Variants in MRTFA observed in about 807,000 individuals in gnomAD.
MRTFA encodes the protein myocardin related transcription factor A, also known as myocardin-related transcription factor A.
A neutral mutation model predicts 83.5 loss-of-function variants in MRTFA; 20 were observed. The observed-to-expected ratio is 0.24, with a 90% CI of 0.17 to 0.35. The LOEUF (loss-of-function observed/expected upper bound fraction) is 0.35. Among genes scored for constraint, MRTFA ranks in the 10% least tolerant of loss-of-function variants. The probability of loss-of-function intolerance (pLI) is 1.00; values close to 1 mark genes in which losing one functional copy is unlikely to be tolerated. For synonymous variants in MRTFA, 659 were observed against 541.2 expected (o/e 1.22, Z -3.02); for missense variants, 1,200 against 1,224.7 (o/e 0.98, Z 0.30).
At chr22:40,514,208 G>A (rs752637668) in intron 3 of MRTFA, among the ~76,000 whole-genome samples, 6 of 151,648 alleles carry the variant, frequency 4.0e-5, no homozygotes, top group South Asian at 2.1e-4. Context: ...CCAAGATCAC[G>A]CCACTGCACT....
At chr22:40,590,876 G>A (rs2056110339) in intron 2 of MRTFA, among the ~76,000 whole-genome samples, 1 of 152,010 alleles carries the variant, frequency 6.6e-6, no homozygotes, top group African/African-American at 2.4e-5. Context: ...GCTCACAGCT[G>A]TAACCCCACC....
intron 3 of MRTFA, among the ~76,000 whole-genome samples, chr22:40,470,419 A>T (rs2053889605): frequency 1.3e-5 from 2 of 151,370 alleles, no homozygotes; most frequent in South Asian, 4.2e-4. Context: ...ACAATTTATC[A>T]AAATTTCTGG....
intron 4 of MRTFA, among the ~76,000 whole-genome samples, chr22:40,449,348 C>A (rs995341767): frequency 2.6e-5 from 4 of 151,250 alleles, no homozygotes; most frequent in Non-Finnish European, 5.9e-5. Context: ...ACAGGGCAAT[C>A]TTCTACTTCA....
At chr22:40,440,627 C>A (rs2053257580) in intron 4 of MRTFA, among the ~76,000 whole-genome samples, 1 of 152,172 alleles carries the variant, frequency 6.6e-6, no homozygotes, top group Non-Finnish European at 1.5e-5. Context: ...GCTGGAGTAG[C>A]CACAGCAAGT....
chr22:40,435,366 G>A (rs900930321), intron 5 of MRTFA, 133 bp downstream of exon 5: 1 of 930,884 alleles, frequency 1.1e-6, no homozygotes, highest in Admixed American at 1.9e-5. Context: ...CACAAGGCCA[G>A]GGCTGGCCCT....
chr22:40,634,301 G>A (rs935559937), intron 1 of MRTFA, among the ~76,000 whole-genome samples: 5 of 151,946 alleles, frequency 3.3e-5, no homozygotes, highest in African/African-American at 7.3e-5. Context: ...TTGCCCAAGC[G>A]GGTCTCAACT....
intron 1 of MRTFA, among the ~76,000 whole-genome samples, chr22:40,632,637 T>C (rs1034417847): frequency 6.6e-6 from 1 of 152,096 alleles, no homozygotes; most frequent in Admixed American, 6.6e-5. Flanking sequence ...GGTTTCCCCA[T>C]GTTGGCCAGG....
chr22:40,453,658 T>C (rs2053534979), intron 4 of MRTFA, among the ~76,000 whole-genome samples: 1 of 152,198 alleles, frequency 6.6e-6, no homozygotes, highest in South Asian at 2.1e-4. Context: ...TGAGACTTAA[T>C]GTCTTTGATA....
chr22:40,413,637 G>T (rs1022409173), intron 14 of MRTFA, among the ~76,000 whole-genome samples: 26 of 151,456 alleles, frequency 1.7e-4, no homozygotes, highest in Non-Finnish European at 3.2e-4. Context: ...TAAAGACGGG[G>T]TTTCACCATG....
At chr22:40,468,747 T>C (rs2053852400) in intron 3 of MRTFA, among the ~76,000 whole-genome samples, 1 of 152,188 alleles carries the variant, frequency 6.6e-6, no homozygotes, top group Admixed American at 6.5e-5. Context: ...GTGTATATGC[T>C]TGAGGAGACC....
intron 7 of MRTFA, among the ~76,000 whole-genome samples, chr22:40,425,221 G>T (rs2147082546): frequency 1.3e-5 from 2 of 152,348 alleles, no homozygotes; most frequent in Middle Eastern, 6.8e-3. Flanking sequence ...GGGTCCCAGT[G>T]GGAAGGAAAG....
At chr22:40,615,146 C>G (rs2056434135) in intron 1 of MRTFA, among the ~76,000 whole-genome samples, 1 of 152,116 alleles carries the variant, frequency 6.6e-6, no homozygotes, top group African/African-American at 2.4e-5. Flanking sequence ...GGTCTACAAA[C>G]CATTTCAAAT....
intron 2 of MRTFA, among the ~76,000 whole-genome samples, chr22:40,568,238 C>T (rs1366740913): frequency 6.6e-6 from 1 of 152,168 alleles, no homozygotes; most frequent in East Asian, 1.9e-4. Flanking sequence ...AATTATTCTT[C>T]CAATTACACT....
chr22:40,532,052 T>C (rs1035977729), intron 3 of MRTFA, among the ~76,000 whole-genome samples: 3 of 152,214 alleles, frequency 2.0e-5, no homozygotes, highest in Admixed American at 6.5e-5. Flanking sequence ...TCACCTACTA[T>C]CATCCTTTGA....
At chr22:40,413,519 G>C (rs992749145) in intron 14 of MRTFA, among the ~76,000 whole-genome samples, 2 of 151,996 alleles carry the variant, frequency 1.3e-5, no homozygotes, top group East Asian at 3.9e-4. Flanking sequence ...ATGTTGGTCA[G>C]GCTGGTCTCG....
In MRTFA at chr22:40,533,849, CA is replaced by C. The variant is rs1602395666; in HGVS notation, c.241+18256del. On this transcript the variant is annotated intron_variant, in intron 3 of 14. Transcript: ENST00000355630. ...ATTTGAATTACTGCCGACAGGAAAC[CA>C]AAAAGCTCTCCAGTTAAGACATACT... 12 of 377,086 alleles carry C rather than the reference CA, an allele frequency of 3.2e-5. No individual in the cohort carries two copies. The East Asian group carries it at 4.1e-4, about 13-fold the overall frequency. The allele number at this position is 377,086 out of a possible 1,614,324, so 23.4% of individuals were successfully genotyped here. A position where few individuals can be genotyped will look rare whatever the true frequency, so the allele number is the denominator to read the frequency against.
intron 2 of MRTFA, among the ~76,000 whole-genome samples, chr22:40,557,021 G>T (rs1338772677): frequency 1.3e-5 from 2 of 152,194 alleles, no homozygotes; most frequent in Non-Finnish European, 2.9e-5. Flanking sequence ...ATTATGGATT[G>T]TAAGAGTTCA....
intron 2 of MRTFA, among the ~76,000 whole-genome samples, chr22:40,561,835 G>C (rs1602431804): frequency 6.6e-6 from 1 of 152,250 alleles, no homozygotes; most frequent in South Asian, 2.1e-4. Flanking sequence ...CCTCTGCCTT[G>C]ACCAATCGAG....
intron 12 of MRTFA, 140 bp downstream of exon 12, chr22:40,418,234 T>C (rs997640698): frequency 6.9e-7 from 1 of 1,448,696 alleles, no homozygotes; most frequent in Non-Finnish European, 9.1e-7. Context: ...TAAGTCTCAG[T>C]ACCCCCCTGG....
Sources: gnomAD v4.1 joint callset for allele counts (sites outside exome capture counted in the v4.1 genomes callset) on GRCh38, gnomAD v4.1.1 for gene constraint, MANE v1.5 for transcripts, NCBI Gene and HGNC (gene_info 2026-07-23, HGNC 2026-07-21) for gene names.